Variants in ZDHHC15 observed in about 807,000 individuals in gnomAD.
The protein encoded by ZDHHC15 is zDHHC palmitoyltransferase 15, also known as palmitoyltransferase ZDHHC15.
A neutral mutation model predicts 31.7 loss-of-function variants in ZDHHC15; 19 were observed. The ratio of observed to expected loss-of-function variants is 0.60; its 90% confidence interval spans 0.42 to 0.88. The LOEUF (loss-of-function observed/expected upper bound fraction) is 0.88, where lower values mean the gene tolerates loss of function less well. Among genes scored for constraint, ZDHHC15 ranks in the 40% least tolerant of loss-of-function variants. The pLI is 0.00. For synonymous variants in ZDHHC15, 103 were observed against 90.0 expected, an observed-to-expected ratio of 1.14 and a Z score of -0.82; for missense variants, 209 against 251.2, an observed-to-expected ratio of 0.83 and a Z score of 1.14.
intron 3 of ZDHHC15, among the ~76,000 whole-genome samples, chrX:75,465,339 A>G (rs1031119142): frequency 8.9e-5 from 10 of 112,353 alleles, no homozygotes; most frequent in African/African-American, 1.9e-4. Context: ...TTCCATGCTC[A>G]TGAGATAGGA....
At chrX:75,434,457 A>G (rs926923559) in intron 4 of ZDHHC15, among the ~76,000 whole-genome samples, 1 of 111,850 alleles carries the variant, frequency 8.9e-6, no homozygotes, top group African/African-American at 3.2e-5. Context: ...TATAATGTTT[A>G]TGGTTTCAGG....
At chrX:75,443,559 C>A (rs1210802930) in intron 4 of ZDHHC15, among the ~76,000 whole-genome samples, 1 of 111,961 alleles carries the variant, frequency 8.9e-6, no homozygotes, top group East Asian at 2.8e-4. Context: ...TAGGCATGGT[C>A]AAAGACCTCA....
chrX:75,486,657 G>A (rs2084782522), intron 2 of ZDHHC15, among the ~76,000 whole-genome samples: 1 of 112,064 alleles, frequency 8.9e-6, no homozygotes, highest in African/African-American at 3.2e-5. Flanking sequence ...GGCAAAGCAA[G>A]AATGAGATTG....
chrX:75,509,852 A>G (rs1050037581), intron 1 of ZDHHC15, among the ~76,000 whole-genome samples: 2 of 112,609 alleles, frequency 1.8e-5, no homozygotes, highest in Middle Eastern at 4.6e-3. Flanking sequence ...ACATTTTACA[A>G]TAAGTTTAGG....
chrX:75,403,291 C>G (rs1189750911), intron 10 of ZDHHC15, among the ~76,000 whole-genome samples: 4 of 111,681 alleles, frequency 3.6e-5, no homozygotes, highest in Non-Finnish European at 7.5e-5. Context: ...TGGGCCAAAG[C>G]AGGAAGCATT....
intron 2 of ZDHHC15, among the ~76,000 whole-genome samples, chrX:75,487,714 G>T (rs762910836): frequency 8.9e-6 from 1 of 112,164 alleles, no homozygotes; most frequent in African/African-American, 3.2e-5. Flanking sequence ...AATTCAGAAG[G>T]TTGATTATTA....
intron 4 of ZDHHC15, among the ~76,000 whole-genome samples, chrX:75,441,270 T>C (rs148945930): frequency 8.9e-6 from 1 of 111,830 alleles, no homozygotes; most frequent in Non-Finnish European, 1.9e-5. Flanking sequence ...CTGTGGCTGT[T>C]CCCCAAGGAA....
At chrX:75,451,681 C>T (rs1476897249) in intron 3 of ZDHHC15, among the ~76,000 whole-genome samples, 1 of 112,082 alleles carries the variant, frequency 8.9e-6, no homozygotes, top group African/African-American at 3.2e-5. Flanking sequence ...CAAAATCAGA[C>T]ATTCTCAACC....
intron 3 of ZDHHC15, among the ~76,000 whole-genome samples, chrX:75,470,827 T>A (rs2084493172): frequency 1.8e-5 from 2 of 111,152 alleles, no homozygotes; most frequent in South Asian, 7.7e-4. Context: ...AGGGTGAGGG[T>A]TATTATGGTG....
chrX:75,428,522 C>T (rs1398591044), intron 7 of ZDHHC15, among the ~76,000 whole-genome samples: 2 of 110,767 alleles, frequency 1.8e-5, no homozygotes, highest in South Asian at 7.6e-4. Flanking sequence ...GTATTAGATC[C>T]CAGTTCTCCT....
At chrX:75,416,855 A>G (rs1001452189) in intron 10 of ZDHHC15, among the ~76,000 whole-genome samples, 8 of 111,592 alleles carry the variant, frequency 7.2e-5, no homozygotes, top group African/African-American at 2.6e-4. Flanking sequence ...TGTATATCTG[A>G]CTGGTAATAT....
intron 2 of ZDHHC15, among the ~76,000 whole-genome samples, chrX:75,504,733 T>TTA (rs1417442664): frequency 2.7e-5 from 3 of 111,230 alleles, no homozygotes; most frequent in Non-Finnish European, 5.7e-5. Flanking sequence ...TGGAAAATAT[T>TTA]TATATATAAT....
intron 5 of ZDHHC15, 85 bp from the exon 6 acceptor site, chrX:75,430,065 T>A: frequency 1.0e-6 from 1 of 998,389 alleles, no homozygotes; most frequent in Non-Finnish European, 1.4e-6. Context: ...GTTTCACCAG[T>A]ATTTTTACAT....
At chrX:75,459,003 A>C (rs1396492020) in intron 3 of ZDHHC15, among the ~76,000 whole-genome samples, 1 of 96,011 alleles carries the variant, frequency 1.0e-5, no homozygotes, top group Non-Finnish European at 2.2e-5. Flanking sequence ...AAAAAAAAAA[A>C]AAAAAAAACA....
In ZDHHC15 at chrX:75,371,728, G is replaced by GA. The variant is rs1386425569; in HGVS notation, c.*1249dup. ...GCAGCTGGGCACTAGACTGCTGGAT[G>GA]AAAAAATGAAAGATATCAATACTCT... On this transcript the variant is annotated 3_prime_UTR_variant, in exon 12 of 12. Coordinates refer to ENST00000373367, the MANE Select transcript of ZDHHC15 (RefSeq NM_144969.3). 1.8e-5 allele frequency: 2 copies of GA among 111,313 alleles called. No individual in the cohort carries two copies. Among genetic ancestry groups the GA allele is most frequent in the East Asian group, 5.6e-4 (2 of 3,568 alleles). 9.2% of individuals were successfully genotyped at this position (111,313 alleles called of 1,213,427 possible).
Position 75,417,117 on chromosome X carries a change from TTTC to T in ZDHHC15, c.934_936del (p.Glu312del). ...TTGTCATCCTCGTTGTCTTCCCAGG[TTTC>T]TTCATTTGCTAGCAGTGGGTTCTGT... On this transcript the variant is annotated inframe_deletion, in exon 10 of 12. Transcript: ENST00000373367. The T allele has an allele frequency of 8.3e-7, 1 of 1,209,653 alleles. No individual in the cohort carries two copies. The highest frequency in any genetic ancestry group is 1.1e-6 in the Non-Finnish European group (1 of 894,075).
chrX:75,432,666 A>G (rs773729917), intron 4 of ZDHHC15, among the ~76,000 whole-genome samples: 42 of 111,725 alleles, frequency 3.8e-4, no homozygotes, highest in African/African-American at 1.3e-3. Context: ...TATACAGAGT[A>G]GCTGGGTGAT....
chrX:75,477,628 A>AT (rs939919822), intron 3 of ZDHHC15, among the ~76,000 whole-genome samples: 31 of 111,416 alleles, frequency 2.8e-4, no homozygotes, highest in Non-Finnish European at 3.8e-4. Flanking sequence ...CTCTTGTAAC[A>AT]TTTTTTTACT....
At chrX:75,491,649 A>G (rs2084895908) in intron 2 of ZDHHC15, among the ~76,000 whole-genome samples, 1 of 111,218 alleles carries the variant, frequency 9.0e-6, no homozygotes, top group Non-Finnish European at 1.9e-5. Context: ...AAGAAAAAAA[A>G]GAAAAGAATT....
Sources: allele counts gnomAD v4.1 joint callset (sites outside exome capture counted in the v4.1 genomes callset), GRCh38; gene constraint gnomAD v4.1.1; transcripts MANE v1.5; gene names NCBI Gene and HGNC (gene_info 2026-07-23, HGNC 2026-07-21).